Variants in KPNA3 observed in about 807,000 individuals in gnomAD.
The protein encoded by KPNA3 is importin subunit alpha-4.
A neutral mutation model predicts 73.8 loss-of-function variants in KPNA3; 13 were observed. The observed-to-expected ratio is 0.18, with a 90% CI of 0.11 to 0.28. The LOEUF is 0.28. Ranked by LOEUF, KPNA3 falls within the 10% of genes least tolerant of loss-of-function variation. The pLI is 1.00. For missense variants in KPNA3, 360 were observed against 618.1 expected, an observed-to-expected ratio of 0.58 and a Z score of 4.43; for synonymous variants, 186 against 206.9, an observed-to-expected ratio of 0.90 and a Z score of 0.87.
intron 10 of KPNA3, among the ~76,000 whole-genome samples, chr13:49,717,563 G>A (rs1042846580): frequency 2.0e-5 from 3 of 151,176 alleles, no homozygotes; most frequent in South Asian, 4.2e-4. Flanking sequence ...ATCTTCCCCC[G>A]TGTTCTTGAA....
intron 1 of KPNA3, among the ~76,000 whole-genome samples, chr13:49,792,003 C>A (rs985815499): frequency 8.5e-5 from 13 of 152,202 alleles, no homozygotes; most frequent in African/African-American, 2.9e-4. Flanking sequence ...CCATGTGAGC[C>A]GCGCGGGAGG....
At chr13:49,744,507 A>G (rs551017426) in intron 2 of KPNA3, among the ~76,000 whole-genome samples, 1 of 152,346 alleles carries the variant, frequency 6.6e-6, no homozygotes, top group African/African-American at 2.4e-5. Flanking sequence ...TTGTTAATCC[A>G]TTGATGATTG....
chr13:49,781,922 A>C (rs1954943677), intron 1 of KPNA3, among the ~76,000 whole-genome samples: 2 of 152,204 alleles, frequency 1.3e-5, no homozygotes, highest in Admixed American at 6.5e-5. Flanking sequence ...CACAAAACCA[A>C]GACAAAGCTG....
intron 1 of KPNA3, among the ~76,000 whole-genome samples, chr13:49,789,434 C>T (rs1247431606): frequency 6.6e-6 from 1 of 152,150 alleles, no homozygotes; most frequent in East Asian, 1.9e-4. Context: ...CTACTCAAAT[C>T]CCCTGGCATA....
At chr13:49,765,874 T>C (rs993483575) in intron 1 of KPNA3, among the ~76,000 whole-genome samples, 3 of 152,202 alleles carry the variant, frequency 2.0e-5, no homozygotes, top group Non-Finnish European at 4.4e-5. Flanking sequence ...TTTGGTGTGT[T>C]CTGCAAGTCC....
At chr13:49,702,910 G>GGAGTGCA (rs1025748644) in intron 15 of KPNA3, among the ~76,000 whole-genome samples, 1 of 152,250 alleles carries the variant, frequency 6.6e-6, no homozygotes, top group African/African-American at 2.4e-5. Flanking sequence ...CACCCAGGCT[G>GGAGTGCA]GAGTGCAGAG....
chr13:49,780,471 GACCT>G (rs1202589379), intron 1 of KPNA3, among the ~76,000 whole-genome samples: 7 of 152,124 alleles, frequency 4.6e-5, no homozygotes, highest in African/African-American at 1.4e-4. Context: ...ACCCATCTGA[GACCT>G]TGAGGGTTTT....
intron 15 of KPNA3, among the ~76,000 whole-genome samples, chr13:49,703,325 T>TG (rs1303095413): frequency 6.6e-6 from 1 of 151,256 alleles, no homozygotes; most frequent in Non-Finnish European, 1.5e-5. Context: ...GGATTACAGG[T>TG]GCCCACCACT....
rs1167222565 is a variant in KPNA3 at position 49,763,613 on chromosome 13, G to GA, written c.70-16621dup. On this transcript the variant is annotated intron_variant, in intron 1 of 16. Transcript: ENST00000261667. Reference sequence around the variant, plus strand: ...GGAAAATATCCTAGAAGGAGCCAGAGAAAAACAGATTATCTTCAAAAAGCA... The same window carrying GA: ...GGAAAATATCCTAGAAGGAGCCAGAGAAAAAACAGATTATCTTCAAAAAGCA... Among the ~76,000 whole-genome samples the GA allele has an allele frequency of 3.3e-5, 5 of 152,258 alleles. 1 individual carries two copies. The East Asian group carries it at 9.6e-4, about 29-fold the overall frequency.
chr13:49,735,600 T>G (rs1458917724), intron 2 of KPNA3, among the ~76,000 whole-genome samples: 4 of 152,210 alleles, frequency 2.6e-5, no homozygotes, highest in Non-Finnish European at 5.9e-5. Flanking sequence ...GTAAAGGGTA[T>G]ACTTTTCTTT....
chr13:49,752,543 A>C lies in KPNA3; in HGVS notation c.70-5550T>G, dbSNP rs9535322. Among the ~76,000 whole-genome samples the C allele has an allele frequency of 1.6e-3, 244 of 151,226 alleles. 1 individual carries two copies. Among genetic ancestry groups the C allele is most frequent in the Admixed American group, 2.7e-3 (41 of 15,162 alleles). On this transcript the variant is annotated intron_variant, in intron 1 of 16. Transcript: ENST00000261667. ...AGAAAATGATAGAAAATGTGAAATAACATTATCAATCAGAATTAGAAAAAC... is the reference window on the plus strand; with the variant it reads ...AGAAAATGATAGAAAATGTGAAATACCATTATCAATCAGAATTAGAAAAAC...
At chr13:49,740,453 T>C (rs1317990664) in intron 2 of KPNA3, among the ~76,000 whole-genome samples, 1 of 152,086 alleles carries the variant, frequency 6.6e-6, no homozygotes, top group Non-Finnish European at 1.5e-5. Context: ...CCGTGTGCCG[T>C]GGGAGGTGAT....
rs1269656204 is a variant in KPNA3, at chr13:49,704,427, TAAATAAA to T, written c.1372+1187_1372+1193del. Among the ~76,000 whole-genome samples, 699 of 84,696 alleles carry T rather than the reference TAAATAAA, an allele frequency of 8.3e-3. 6 individuals are homozygous for T. The highest frequency in any genetic ancestry group is 0.035 in the South Asian group (68 of 1,950). 55.6% of individuals were successfully genotyped at this position (84,696 alleles called of 152,430 possible). On this transcript the variant is annotated intron_variant, in intron 15 of 16. Coordinates refer to ENST00000261667, the MANE Select transcript of KPNA3 (RefSeq NM_002267.4). ...AACTCTGTCTCAAAAAAAAAATAAA[TAAATAAA>T]AAATAAATAAATAAATAAATAAATA...
At chr13:49,729,606 C>A (rs1052554269) in intron 6 of KPNA3, among the ~76,000 whole-genome samples, 2 of 151,918 alleles carry the variant, frequency 1.3e-5, no homozygotes, top group African/African-American at 4.8e-5. Flanking sequence ...ATGGTGAAAC[C>A]CCATCTCTAC....
chr13:49,787,932 G>A (rs1032483830), intron 1 of KPNA3, among the ~76,000 whole-genome samples: 5 of 151,948 alleles, frequency 3.3e-5, no homozygotes, highest in African/African-American at 4.8e-5. Context: ...CACCTGCCTC[G>A]GCCTCCCAAA....
chr13:49,783,990 T>C (rs1003211977), intron 1 of KPNA3, among the ~76,000 whole-genome samples: 2 of 152,198 alleles, frequency 1.3e-5, no homozygotes, highest in Non-Finnish European at 2.9e-5. Context: ...CAGTGGCTCA[T>C]GGCTATAATC....
At chr13:49,752,308 ACAG>A (rs1954669690) in intron 1 of KPNA3, among the ~76,000 whole-genome samples, 1 of 152,190 alleles carries the variant, frequency 6.6e-6, no homozygotes, top group Non-Finnish European at 1.5e-5. Flanking sequence ...GTAACAAACA[ACAG>A]AAGAAAAAGA....
chr13:49,755,769 G>C (rs975066623), intron 1 of KPNA3, among the ~76,000 whole-genome samples: 1 of 151,982 alleles, frequency 6.6e-6, no homozygotes, highest in Admixed American at 6.6e-5. Context: ...CCAGCCTGGC[G>C]ACAGAGGGAG....
At chr13:49,739,558 A>C (rs1954554427) in intron 2 of KPNA3, among the ~76,000 whole-genome samples, 1 of 152,220 alleles carries the variant, frequency 6.6e-6, no homozygotes, top group Admixed American at 6.5e-5. Context: ...AAAACAATTC[A>C]CACGAAAGGA....
Sources: gnomAD v4.1 joint callset for allele counts (sites outside exome capture counted in the v4.1 genomes callset) on GRCh38, gnomAD v4.1.1 for gene constraint, MANE v1.5 for transcripts, NCBI Gene and HGNC (gene_info 2026-07-23, HGNC 2026-07-21) for gene names.